The following SCARA5 variants were observed in gnomAD, a reference collection of about 807,000 sequenced individuals.
SCARA5 encodes the protein scavenger receptor class A, member 5 (putative).
Under a neutral mutation model 46.3 loss-of-function variants are expected in SCARA5, and 45 were observed. The ratio of observed to expected loss-of-function variants is 0.97; its 90% CI spans 0.76 to 1.24. The LOEUF (loss-of-function observed/expected upper bound fraction) is 1.24. SCARA5 is among the 50% of genes most tolerant of loss of function. The pLI is 0.00. For synonymous variants in SCARA5, 333 were observed against 306.5 expected (o/e 1.09, Z -0.90); for missense variants, 680 against 689.0 (o/e 0.99, Z 0.15).
At chr8:27,925,315 C>G (rs562669694) in intron 3 of SCARA5, among the ~76,000 whole-genome samples, 3 of 152,020 alleles carry the variant, frequency 2.0e-5, no homozygotes, top group East Asian at 3.9e-4. Context: ...ACAGAGCAGA[C>G]GCCTCAGAAA....
chr8:27,945,688 C>G (rs755426298), intron 3 of SCARA5, among the ~76,000 whole-genome samples: 4 of 152,168 alleles, frequency 2.6e-5, no homozygotes, highest in African/African-American at 9.7e-5. Context: ...TCCTTGGTCC[C>G]CCTATAGCAC....
intron 3 of SCARA5, among the ~76,000 whole-genome samples, chr8:27,924,390 CT>C (rs1807648693): frequency 2.0e-5 from 3 of 152,242 alleles, no homozygotes; most frequent in Admixed American, 2.0e-4. Context: ...GAAAGATCAG[CT>C]GTTACAATCT....
intron 3 of SCARA5, among the ~76,000 whole-genome samples, chr8:27,944,445 G>A (rs1322756131): frequency 1.3e-5 from 2 of 152,122 alleles, no homozygotes; most frequent in East Asian, 1.9e-4. Context: ...AATAACAAAC[G>A]TGGGGCGAGA....
chr8:27,897,974 C>T (rs1418502836), intron 7 of SCARA5, among the ~76,000 whole-genome samples: 2 of 152,236 alleles, frequency 1.3e-5, no homozygotes, highest in African/African-American at 2.4e-5. Flanking sequence ...TTCATTTCTC[C>T]TTGCCTAAGC....
intron 3 of SCARA5, among the ~76,000 whole-genome samples, chr8:27,964,080 G>T (rs1008861566): frequency 3.9e-5 from 6 of 152,232 alleles, no homozygotes; most frequent in South Asian, 2.1e-4. Context: ...CCTGATCTTG[G>T]TATCTCTGAG....
At chr8:27,939,485 A>G (rs946473946) in intron 3 of SCARA5, among the ~76,000 whole-genome samples, 3 of 152,170 alleles carry the variant, frequency 2.0e-5, no homozygotes, top group African/African-American at 7.2e-5. Flanking sequence ...CAGGCCACAG[A>G]TGTGTACTGC....
intron 7 of SCARA5, among the ~76,000 whole-genome samples, chr8:27,892,940 G>A (rs1417052436): frequency 1.3e-5 from 2 of 152,054 alleles, no homozygotes; most frequent in East Asian, 1.9e-4. Flanking sequence ...TCATGGTGGC[G>A]GCTGGGAGCA....
intron 2 of SCARA5, among the ~76,000 whole-genome samples, chr8:27,981,459 T>A (rs565918266): frequency 2.6e-5 from 4 of 152,130 alleles, no homozygotes; most frequent in Non-Finnish European, 4.4e-5. Context: ...CCTGGGTGAC[T>A]CCACAGGGCA....
At chr8:27,881,869 T>A (rs1421625495) in intron 7 of SCARA5, among the ~76,000 whole-genome samples, 1 of 152,190 alleles carries the variant, frequency 6.6e-6, no homozygotes, top group Non-Finnish European at 1.5e-5. Context: ...CACTGATGCC[T>A]CGTCATCACC....
chr8:27,913,215 G>T (rs151245530), intron 4 of SCARA5, among the ~76,000 whole-genome samples: 40 of 152,274 alleles, frequency 2.6e-4, no homozygotes, highest in African/African-American at 9.4e-4. Flanking sequence ...CTTTACTGGA[G>T]ATTAACTGGG....
At chr8:27,931,247 C>T (rs1807767580) in intron 3 of SCARA5, among the ~76,000 whole-genome samples, 1 of 152,210 alleles carries the variant, frequency 6.6e-6, no homozygotes, top group African/African-American at 2.4e-5. Flanking sequence ...TGCAGTCACA[C>T]GGGGCCCCAT....
At chr8:27,953,030 C>G (rs916172280) in intron 3 of SCARA5, among the ~76,000 whole-genome samples, 1 of 152,210 alleles carries the variant, frequency 6.6e-6, no homozygotes, top group South Asian at 2.1e-4. Context: ...GACCCTGAAG[C>G]AGAGCCAGAG....
intron 7 of SCARA5, among the ~76,000 whole-genome samples, chr8:27,884,413 C>G: frequency 6.6e-6 from 1 of 152,252 alleles, no homozygotes; most frequent in East Asian, 1.9e-4. Context: ...CCGGCCGCTG[C>G]GCGGGGCCTT....
At chr8:27,943,583 G>C (rs1433216258) in intron 3 of SCARA5, among the ~76,000 whole-genome samples, 1 of 152,194 alleles carries the variant, frequency 6.6e-6, no homozygotes. Flanking sequence ...GCCAATGTTT[G>C]AGGTGTAAAT....
intron 2 of SCARA5, among the ~76,000 whole-genome samples, chr8:27,976,700 C>T (rs1808529123): frequency 6.6e-6 from 1 of 152,162 alleles, no homozygotes; most frequent in Non-Finnish European, 1.5e-5. Flanking sequence ...GCCTCCCCTG[C>T]CACTTGTAGA....
At chr8:27,876,292 G>A (rs918281113) in intron 8 of SCARA5, among the ~76,000 whole-genome samples, 3 of 152,194 alleles carry the variant, frequency 2.0e-5, no homozygotes, top group African/African-American at 7.2e-5. Flanking sequence ...GCAGATCCGG[G>A]ATTCTGACAT....
intron 4 of SCARA5, among the ~76,000 whole-genome samples, chr8:27,910,915 G>A (rs371865640): frequency 6.6e-6 from 1 of 152,186 alleles, no homozygotes; most frequent in East Asian, 1.9e-4. Flanking sequence ...TGACAATGGC[G>A]TGTGCTGCAG....
At chr8:27,971,734 A>G (rs4732617) in intron 2 of SCARA5, among the ~76,000 whole-genome samples, 34,418 of 151,652 alleles carry the variant, frequency 0.23, 4,711 homozygotes, top group Middle Eastern at 0.35. Flanking sequence ...AATAAATAGA[A>G]ATGAACAGTG....
At chr8:27,963,849 G>A (rs1808325991) in intron 3 of SCARA5, among the ~76,000 whole-genome samples, 1 of 152,108 alleles carries the variant, frequency 6.6e-6, no homozygotes, top group South Asian at 2.1e-4. Flanking sequence ...ATGGCACTGG[G>A]TTGCAGTGGA....
Sources: gnomAD v4.1 joint callset for allele counts (sites outside exome capture counted in the v4.1 genomes callset) on GRCh38, gnomAD v4.1.1 for gene constraint, MANE v1.5 for transcripts, NCBI Gene and HGNC (gene_info 2026-07-23, HGNC 2026-07-21) for gene names.